Variants in HDAC9 observed in about 807,000 individuals in gnomAD.
HDAC9 encodes MEF-2 interacting transcription repressor (MITR) protein.
A neutral mutation model predicts 139.4 loss-of-function variants in HDAC9; 41 were observed. That is an observed-to-expected ratio of 0.29 (90% confidence interval 0.23 to 0.38). The LOEUF (loss-of-function observed/expected upper bound fraction) is 0.38, where lower values mean the gene tolerates loss of function less well. Ranked by LOEUF, HDAC9 falls within the 10% of genes least tolerant of loss-of-function variation. The pLI is 1.00. For missense variants in HDAC9, 1,147 were observed against 1,297.0 expected (o/e 0.88, Z 1.78); for synonymous variants, 517 against 476.2 (o/e 1.09, Z -1.12).
At chr7:18,994,704 C>T (rs573774793) in intron 25 of HDAC9, among the ~76,000 whole-genome samples, 1 of 152,248 alleles carries the variant, frequency 6.6e-6, no homozygotes, top group East Asian at 1.9e-4. Context: ...AAATGCTAAG[C>T]TACTACTTTA....
intron 11 of HDAC9, among the ~76,000 whole-genome samples, chr7:18,665,911 G>A: frequency 6.6e-6 from 1 of 152,152 alleles, no homozygotes; most frequent in East Asian, 1.9e-4. Flanking sequence ...TCCATGGATA[G>A]TTTATTTACC....
intron 1 of HDAC9, among the ~76,000 whole-genome samples, chr7:18,376,341 A>G (rs761251846): frequency 7.9e-5 from 12 of 152,220 alleles, no homozygotes; most frequent in Admixed American, 2.0e-4. Context: ...TTCTATTTCC[A>G]GGACATAAAT....
At chr7:18,541,215 G>C (rs2704290) in intron 2 of HDAC9, among the ~76,000 whole-genome samples, 2 of 127,604 alleles carry the variant, frequency 1.6e-5, no homozygotes, top group Non-Finnish European at 3.1e-5. Context: ...TCTGGAAGCA[G>C]ATAGCCTTTG....
At chr7:18,476,172 T>C (rs1200738740) in intron 1 of HDAC9, among the ~76,000 whole-genome samples, 2 of 152,126 alleles carry the variant, frequency 1.3e-5, no homozygotes, top group African/African-American at 2.4e-5. Context: ...AGGTGTAATG[T>C]TTATGCTATG....
At chr7:18,891,661 G>A (rs540029261) in intron 22 of HDAC9, among the ~76,000 whole-genome samples, 2 of 152,260 alleles carry the variant, frequency 1.3e-5, no homozygotes, top group East Asian at 1.9e-4. Context: ...CTGACTTGAG[G>A]TGGTGTTCAG....
chr7:18,752,459 C>T (rs1018287562), intron 14 of HDAC9, among the ~76,000 whole-genome samples: 1 of 152,108 alleles, frequency 6.6e-6, no homozygotes, highest in Non-Finnish European at 1.5e-5. Flanking sequence ...AGAATCAAGG[C>T]TCAAGGGCAT....
rs963527394 is a variant in HDAC9, at chr7:18,817,170, G to C, written c.2323-11991G>C. Among the ~76,000 whole-genome samples the C allele has an allele frequency of 5.3e-5, 8 of 152,184 alleles. No homozygotes were observed. In the East Asian group the frequency reaches 1.6e-3, roughly 30 times the overall value. On this transcript the variant is annotated intron_variant, in intron 17 of 25. Transcript: ENST00000686413. Reference sequence around the variant, plus strand: ...CTGCCTCAGCCTCCTGAGTAGCTGAGACTACAGGCGCCCGCCACCACGCCT... The same window carrying C: ...CTGCCTCAGCCTCCTGAGTAGCTGACACTACAGGCGCCCGCCACCACGCCT...
chr7:18,781,773 G>T (rs372578077), intron 16 of HDAC9, among the ~76,000 whole-genome samples: 7 of 152,016 alleles, frequency 4.6e-5, no homozygotes, highest in African/African-American at 1.7e-4. Context: ...GTGGGAAAAG[G>T]TAATTATTTT....
At chr7:18,860,422 TAAAC>T (rs1391447991) in intron 21 of HDAC9, among the ~76,000 whole-genome samples, 1 of 152,178 alleles carries the variant, frequency 6.6e-6, no homozygotes, top group African/African-American at 2.4e-5. Flanking sequence ...GAAATGAAAA[TAAAC>T]AAAGATTTGG....
At chr7:18,273,251 T>G (rs796196049) in intron 2 of HDAC9, among the ~76,000 whole-genome samples, 61 of 151,834 alleles carry the variant, frequency 4.0e-4, no homozygotes, top group African/African-American at 1.3e-3. Context: ...ACTTTTTTTG[T>G]AGATTTAGGG....
intron 2 of HDAC9, among the ~76,000 whole-genome samples, chr7:18,272,051 A>G (rs1012692374): frequency 6.6e-6 from 1 of 152,226 alleles, no homozygotes; most frequent in African/African-American, 2.4e-5. Flanking sequence ...CGCATTCATC[A>G]CCAATGTACT....
chr7:18,162,287 G>T, exon 2 of HDAC9: 1 of 1,532,870 alleles, frequency 6.5e-7, no homozygotes, highest in South Asian at 1.2e-5. Flanking sequence ...CAAAGGCTGT[G>T]AATCTGCATC....
At chr7:18,393,737 G>A (rs1786763480) in intron 1 of HDAC9, among the ~76,000 whole-genome samples, 1 of 152,134 alleles carries the variant, frequency 6.6e-6, no homozygotes, top group Non-Finnish European at 1.5e-5. Context: ...AGCTTAGGAA[G>A]CTTTTTGATT....
At chr7:18,491,263 T>A (rs1796342747), upstream of HDAC9, among the ~76,000 whole-genome samples, 1 of 151,746 alleles carries the variant, frequency 6.6e-6, no homozygotes, top group Non-Finnish European at 1.5e-5. Flanking sequence ...TTGAGAAAAA[T>A]TAAAACAAAA....
chr7:18,591,826 CTA>C (rs1456491368), intron 5 of HDAC9, among the ~76,000 whole-genome samples, 184 bp downstream of exon 5: 1 of 152,076 alleles, frequency 6.6e-6, no homozygotes, highest in Non-Finnish European at 1.5e-5. Flanking sequence ...TGCATGCCCT[CTA>C]GGGTTGCTGG....
At chr7:18,638,873 T>C (rs1173260877) in intron 8 of HDAC9, among the ~76,000 whole-genome samples, 1 of 152,040 alleles carries the variant, frequency 6.6e-6, no homozygotes, top group Admixed American at 6.6e-5. Context: ...ACCTCAGGGG[T>C]TTCTATTTCC....
intron 1 of HDAC9, among the ~76,000 whole-genome samples, chr7:18,330,661 C>G (rs917379940): frequency 6.6e-6 from 1 of 151,110 alleles, no homozygotes; most frequent in Non-Finnish European, 1.5e-5. Flanking sequence ...AAAAATAAGT[C>G]ACTTTTGGTT....
chr7:18,183,795 G>A (rs1789691611), intron 2 of HDAC9, among the ~76,000 whole-genome samples: 1 of 152,104 alleles, frequency 6.6e-6, no homozygotes, highest in South Asian at 2.1e-4. Flanking sequence ...ATTTTAAACA[G>A]TTTGTAAACT....
chr7:18,629,264 G>A (rs2128973408), intron 6 of HDAC9, 86 bp from the exon 7 acceptor site: 4 of 1,193,372 alleles, frequency 3.4e-6, no homozygotes, highest in African/African-American at 1.6e-5. Flanking sequence ...AAAAGGGTGA[G>A]ACTTTTTTTT....
Sources: gnomAD v4.1 joint callset for allele counts (sites outside exome capture counted in the v4.1 genomes callset) on GRCh38, gnomAD v4.1.1 for gene constraint, MANE v1.5 for transcripts, NCBI Gene and HGNC (gene_info 2026-07-23, HGNC 2026-07-21) for gene names.